Variants in MTUS2 observed in about 807,000 individuals in gnomAD.
MTUS2 encodes the protein microtubule associated scaffold protein 2, also known as microtubule-associated tumor suppressor candidate 2.
Under a neutral mutation model 114.1 loss-of-function variants are expected in MTUS2, and 40 were observed. That is an observed-to-expected ratio of 0.35 (90% CI 0.27 to 0.46). The LOEUF is 0.46. Ranked by LOEUF, MTUS2 falls within the 20% of genes least tolerant of loss-of-function variation. The probability of loss-of-function intolerance (pLI) is 1.00; values close to 1 mark genes in which losing one functional copy is unlikely to be tolerated. For missense variants in MTUS2, 1,679 were observed against 1,705.4 expected, an observed-to-expected ratio of 0.98 and a Z score of 0.27; for synonymous variants, 688 against 672.0, an observed-to-expected ratio of 1.02 and a Z score of -0.37.
intron 2 of MTUS2, among the ~76,000 whole-genome samples, chr13:28,851,450 A>T (rs139989936): frequency 6.6e-6 from 1 of 152,238 alleles, no homozygotes; most frequent in Non-Finnish European, 1.5e-5. Flanking sequence ...TCACATGTAT[A>T]TGCAAATAAT....
intron 2 of MTUS2, among the ~76,000 whole-genome samples, chr13:28,980,665 A>G (rs184649576): frequency 2.0e-5 from 3 of 152,322 alleles, no homozygotes; most frequent in Admixed American, 2.0e-4. Context: ...GATATTTTAT[A>G]TGCATGTATA....
rs149851686 is a variant in MTUS2, at chr13:28,938,648, G to C, written c.-242-85809G>C. Among the ~76,000 whole-genome samples the C allele has an allele frequency of 9.2e-5, 14 of 152,198 alleles. No homozygotes were observed. In the East Asian group the frequency reaches 2.3e-3, roughly 25 times the overall value. On this transcript the variant is annotated intron_variant, in intron 2 of 15. Transcript: ENST00000612955. ...AGTATGAGATGCCCCCAAATTCTCT[G>C]TATGGGATCTTTTAGTTTTAGAAAT... is the stretch of plus-strand genomic sequence containing the variant.
intron 1 of MTUS2, among the ~76,000 whole-genome samples, chr13:28,835,811 G>A (rs990535851): frequency 2.0e-5 from 3 of 152,190 alleles, no homozygotes; most frequent in Non-Finnish European, 4.4e-5. Context: ...GAAGTTACAT[G>A]TGAAGTGCCA....
chr13:29,373,851 G>A (rs1314137610), intron 8 of MTUS2, among the ~76,000 whole-genome samples: 4 of 152,162 alleles, frequency 2.6e-5, no homozygotes, highest in Non-Finnish European at 4.4e-5. Flanking sequence ...CAAAGAATCA[G>A]GAAATCCTCA....
chr13:28,994,923 A>C (rs985224252), intron 2 of MTUS2, among the ~76,000 whole-genome samples: 8 of 151,856 alleles, frequency 5.3e-5, no homozygotes, highest in Non-Finnish European at 1.0e-4. Context: ...CCCTTTGTCA[A>C]TTTTGTCTTT....
At chr13:29,470,618 A>G (rs972546909) in intron 9 of MTUS2, among the ~76,000 whole-genome samples, 2 of 152,206 alleles carry the variant, frequency 1.3e-5, no homozygotes, top group Non-Finnish European at 2.9e-5. Context: ...GGGATTTAAA[A>G]GCTTCATTCG....
chr13:28,997,898 T>G (rs1885192999), intron 2 of MTUS2, among the ~76,000 whole-genome samples: 1 of 152,216 alleles, frequency 6.6e-6, no homozygotes, highest in Admixed American at 6.5e-5. Flanking sequence ...ACATTTAAGG[T>G]TAGTATTGTT....
Position 29,230,364 on chromosome 13 carries a change from C to T in MTUS2, c.2645-51340C>T, listed in dbSNP as rs144280507. The stretch of plus-strand genomic sequence containing the variant: ...AAACTGATAAAATCACCTTGTGAGA[C>T]TGCTTGGAGCTCTAGGTTGCTGCTT... On this transcript the variant is annotated intron_variant, in intron 5 of 15. Coordinates refer to ENST00000612955, the MANE Select transcript of MTUS2 (RefSeq NM_001033602.4). Among the ~76,000 whole-genome samples, 995 of 152,332 alleles carry T rather than the reference C, an allele frequency of 6.5e-3. 12 individuals are homozygous for T. The highest frequency in any genetic ancestry group is 0.022 in the African/African-American group (918 of 41,570).
chr13:28,894,290 GAGAGAGA>G (rs1566203566), intron 2 of MTUS2, among the ~76,000 whole-genome samples: 9 of 6,834 alleles, frequency 1.3e-3, no homozygotes, highest in Middle Eastern at 0.038. Context: ...GGGGGGGGGG[GAGAGAGA>G]GAGAGAGGGG....
At chr13:29,352,543 C>T (rs1869379358) in intron 7 of MTUS2, among the ~76,000 whole-genome samples, 1 of 152,158 alleles carries the variant, frequency 6.6e-6, no homozygotes, top group African/African-American at 2.4e-5. Flanking sequence ...CCCTGGCAAC[C>T]ACTAGTCTAC....
At chr13:29,407,036 G>A (rs986509823) in intron 8 of MTUS2, among the ~76,000 whole-genome samples, 2 of 152,196 alleles carry the variant, frequency 1.3e-5, no homozygotes, top group African/African-American at 4.8e-5. Flanking sequence ...CTTGAGGTCA[G>A]GAGTTTGAGA....
chr13:29,502,669 G>A (rs1054288736), intron 15 of MTUS2, among the ~76,000 whole-genome samples: 5 of 152,238 alleles, frequency 3.3e-5, no homozygotes, highest in African/African-American at 1.2e-4. Flanking sequence ...GGAGCTTCCG[G>A]GCAGCATACC....
At chr13:28,894,767 G>A (rs1422348274) in intron 2 of MTUS2, among the ~76,000 whole-genome samples, 3 of 152,220 alleles carry the variant, frequency 2.0e-5, no homozygotes, top group South Asian at 2.1e-4. Context: ...TTGGTAAAGG[G>A]TAGGGCATAC....
At chr13:29,138,443 T>G (rs1023896017) in intron 5 of MTUS2, among the ~76,000 whole-genome samples, 2 of 148,126 alleles carry the variant, frequency 1.4e-5, no homozygotes, top group Non-Finnish European at 3.0e-5. Flanking sequence ...ATATTATACA[T>G]TATTTATATA....
Position 29,108,314 on chromosome 13 carries a change from A to G in MTUS2, c.2644+7344A>G, listed in dbSNP as rs148427534. 4.3e-3 allele frequency among the ~76,000 whole-genome samples: 661 copies of G among 152,340 alleles called. 4 individuals are homozygous for G. Among genetic ancestry groups the G allele is most frequent in the African/African-American group, 0.015 (634 of 41,588 alleles). ...GTCTTTGTTCATTCTCTTCAGAAGCACTCAGACAATGATGAGTTGCACCCA... is the reference window on the plus strand; with the variant it reads ...GTCTTTGTTCATTCTCTTCAGAAGCGCTCAGACAATGATGAGTTGCACCCA... On this transcript the variant is annotated intron_variant, in intron 5 of 15. Transcript: ENST00000612955.
chr13:29,132,906 T>C (rs1178215636), intron 5 of MTUS2, among the ~76,000 whole-genome samples: 2 of 152,184 alleles, frequency 1.3e-5, no homozygotes, highest in Non-Finnish European at 2.9e-5. Context: ...GATGTGGTAA[T>C]TCTATTTTTA....
At chr13:29,018,768 C>T (rs28668099) in intron 2 of MTUS2, among the ~76,000 whole-genome samples, 1 of 125,362 alleles carries the variant, frequency 8.0e-6, no homozygotes, top group Non-Finnish European at 1.7e-5. Flanking sequence ...TCCAGCCCCT[C>T]CCCCCGCCCC....
Position 29,487,891 on chromosome 13 carries a change from C to A in MTUS2, c.3400-9C>A. On this transcript the variant is annotated splice_polypyrimidine_tract_variant and intron_variant, in intron 10 of 15. Coordinates refer to ENST00000612955, the MANE Select transcript of MTUS2 (RefSeq NM_001033602.4). ...CTCTGTCTAACCAGTAACTGCGACT[C>A]TCCTCCAGGTGGAAGATCTCACCGC... 1 of 1,607,750 alleles carries A rather than the reference C, an allele frequency of 6.2e-7. No individual in the cohort carries two copies. Among genetic ancestry groups the A allele is most frequent in the Non-Finnish European group, 8.5e-7 (1 of 1,174,350 alleles).
At chr13:29,410,806 C>G (rs1487402956) in intron 8 of MTUS2, among the ~76,000 whole-genome samples, 2 of 124,282 alleles carry the variant, frequency 1.6e-5, no homozygotes, top group Admixed American at 9.0e-5. Context: ...CATTCCCACA[C>G]TATTGGTTTT....
Sources: gnomAD v4.1 joint callset for allele counts (sites outside exome capture counted in the v4.1 genomes callset) on GRCh38, gnomAD v4.1.1 for gene constraint, MANE v1.5 for transcripts, NCBI Gene and HGNC (gene_info 2026-07-23, HGNC 2026-07-21) for gene names.